The following RAPGEF4 variants were observed in gnomAD, a reference collection of about 807,000 sequenced individuals.
RAPGEF4 encodes Rap guanine nucleotide exchange factor 4.
Under a neutral mutation model 147.9 loss-of-function variants are expected in RAPGEF4, and 66 were observed. The observed-to-expected ratio is 0.45, with a 90% CI of 0.37 to 0.55. The LOEUF is 0.55. Among genes scored for constraint, RAPGEF4 ranks in the 20% least tolerant of loss-of-function variants. The pLI, the probability that RAPGEF4 is intolerant of heterozygous loss-of-function variation, is 0.00. For synonymous variants in RAPGEF4, 419 were observed against 442.7 expected (o/e 0.95, Z 0.67); for missense variants, 1,071 against 1,257.3 (o/e 0.85, Z 2.24).
At chr2:173,001,461 C>A in intron 17 of RAPGEF4, 117 bp downstream of exon 17, 1 of 1,252,612 alleles carries the variant, frequency 8.0e-7, no homozygotes, top group Non-Finnish European at 1.1e-6. Flanking sequence ...GTTGTGCATT[C>A]CACCCTCATC....
At chr2:172,882,404 T>G (rs942593557) in intron 4 of RAPGEF4, among the ~76,000 whole-genome samples, 1 of 152,202 alleles carries the variant, frequency 6.6e-6, no homozygotes, top group Non-Finnish European at 1.5e-5. Context: ...ACTCAGGGCC[T>G]GTTTAACTCT....
chr2:172,848,328 T>C (rs1431522653), intron 4 of RAPGEF4, among the ~76,000 whole-genome samples: 1 of 152,208 alleles, frequency 6.6e-6, no homozygotes, highest in Non-Finnish European at 1.5e-5. Context: ...TGCCTGTTAA[T>C]TCACACTAGA....
At chr2:172,958,737 A>T (rs2105444224) in intron 6 of RAPGEF4, among the ~76,000 whole-genome samples, 1 of 152,356 alleles carries the variant, frequency 6.6e-6, no homozygotes, top group East Asian at 1.9e-4. Context: ...AGTCTGCTAG[A>T]TGCCAGCGAG....
At chr2:172,988,955 C>T (rs1692551142) in intron 14 of RAPGEF4, 116 bp downstream of exon 14, 4 of 1,128,754 alleles carry the variant, frequency 3.5e-6, no homozygotes, top group African/African-American at 1.6e-5. Flanking sequence ...GTGCTCTAGG[C>T]ACAAAGGGCC....
At position 172,806,550 on chromosome 2, in the gene RAPGEF4, C is replaced by T. The variant is rs138476350; in HGVS notation, c.298-7729C>T. ...GAGGGTCTGTGCTTTTTGAAATTAC[C>T]ATTTCAAGAAAAGTTGGTTGCAATG... On this transcript the variant is annotated intron_variant, in intron 3 of 30. Transcript: ENST00000397081. Among the ~76,000 whole-genome samples the T allele has an allele frequency of 6.6e-5, 10 of 152,284 alleles. No individual in the cohort carries two copies. The East Asian group carries it at 1.9e-3, about 29-fold the overall frequency.
intron 4 of RAPGEF4, among the ~76,000 whole-genome samples, chr2:172,905,528 G>T (rs1383144835): frequency 6.6e-6 from 1 of 152,234 alleles, no homozygotes; most frequent in Non-Finnish European, 1.5e-5. Flanking sequence ...TCAGAATCTT[G>T]AACTGTCACA....
intron 8 of RAPGEF4, among the ~76,000 whole-genome samples, chr2:172,964,882 C>G (rs749400917): frequency 6.6e-6 from 1 of 152,162 alleles, no homozygotes; most frequent in Non-Finnish European, 1.5e-5. Context: ...TCCAGACCAA[C>G]TCACCACAGA....
chr2:172,833,372 C>T (rs1000721379), intron 4 of RAPGEF4, among the ~76,000 whole-genome samples: 2 of 149,478 alleles, frequency 1.3e-5, no homozygotes, highest in Non-Finnish European at 3.0e-5. Flanking sequence ...GGATGTTATA[C>T]AAAACTTAAA....
rs3769305 is a variant in RAPGEF4, at chr2:172,820,260, T to C, written c.444+5835T>C. 3.9e-5 allele frequency among the ~76,000 whole-genome samples: 6 copies of C among 152,362 alleles called. No individual in the cohort carries two copies. In the East Asian group the frequency reaches 9.6e-4, roughly 24 times the overall value. ...TGCTTCTGAGAGGCCCTTGAACTAG[T>C]GGTTACCACCTCTTTACCTGTAGTT... On this transcript the variant is annotated intron_variant, in intron 4 of 30. Coordinates refer to ENST00000397081, the MANE Select transcript of RAPGEF4 (RefSeq NM_007023.4).
intron 4 of RAPGEF4, among the ~76,000 whole-genome samples, chr2:172,829,456 G>A (rs1185685688): frequency 6.6e-6 from 1 of 152,210 alleles, no homozygotes; most frequent in Non-Finnish European, 1.5e-5. Flanking sequence ...TGAACTGGCT[G>A]AGGGCCAGAT....
At chr2:172,961,070 CT>C in intron 7 of RAPGEF4, 51 bp from the exon 8 acceptor site, 1 of 1,344,040 alleles carries the variant, frequency 7.4e-7, no homozygotes, top group Middle Eastern at 1.8e-4. Flanking sequence ...GTTTGTTTTC[CT>C]TCTATAAACA....
intron 4 of RAPGEF4, among the ~76,000 whole-genome samples, chr2:172,825,183 T>TTAC (rs1271013854): frequency 6.6e-6 from 1 of 152,234 alleles, no homozygotes; most frequent in African/African-American, 2.4e-5. Context: ...ACACCATAGC[T>TTAC]TAGCCTATCC....
In RAPGEF4 at chr2:172,952,435, C is replaced by G. The variant is rs1222377119; in HGVS notation, c.538-8325C>G. 3.3e-5 allele frequency among the ~76,000 whole-genome samples: 5 copies of G among 152,204 alleles called. No individual in the cohort carries two copies. In the East Asian group the frequency reaches 9.6e-4, roughly 29 times the overall value. ...GAGGAGGGAACAGTGGTTGAAGACT[C>G]TTTTTCAGAGTTTATGTTTCCATAG... On this transcript the variant is annotated intron_variant, in intron 6 of 30. Coordinates refer to ENST00000397081, the MANE Select transcript of RAPGEF4 (RefSeq NM_007023.4).
At chr2:172,937,508 C>G (rs1235574973) in intron 6 of RAPGEF4, among the ~76,000 whole-genome samples, 2 of 152,140 alleles carry the variant, frequency 1.3e-5, no homozygotes, top group Non-Finnish European at 2.9e-5. Flanking sequence ...GTATTTTCAT[C>G]ACATCATATC....
At chr2:172,984,613 C>T (rs908433969) in intron 11 of RAPGEF4, among the ~76,000 whole-genome samples, 5 of 152,224 alleles carry the variant, frequency 3.3e-5, no homozygotes, top group Non-Finnish European at 2.9e-5. Flanking sequence ...CATCCTTACT[C>T]TCCACAGGGC....
chr2:172,863,266 A>C (rs1694233729), intron 4 of RAPGEF4, among the ~76,000 whole-genome samples: 1 of 152,182 alleles, frequency 6.6e-6, no homozygotes, highest in Non-Finnish European at 1.5e-5. Flanking sequence ...AGAGAAGAGG[A>C]AATTGGAGTG....
At chr2:172,735,392 G>A (rs1027818311), upstream of RAPGEF4, 5 of 152,326 alleles carry the variant, frequency 3.3e-5, no homozygotes, top group African/African-American at 9.6e-5. Flanking sequence ...TTTTCTGAAG[G>A]GGAGACAGCA....
At chr2:172,986,473 A>G (rs1005492184) in intron 12 of RAPGEF4, among the ~76,000 whole-genome samples, 3 of 152,208 alleles carry the variant, frequency 2.0e-5, no homozygotes, top group African/African-American at 7.2e-5. Context: ...CTATTTTAGT[A>G]AGAATGTAAC....
At chr2:172,756,014 G>A (rs1398754041) in intron 1 of RAPGEF4, among the ~76,000 whole-genome samples, 2 of 152,168 alleles carry the variant, frequency 1.3e-5, no homozygotes, top group East Asian at 3.8e-4. Flanking sequence ...GCACTTTGTA[G>A]CCATGCCTAC....
Sources: gnomAD v4.1 joint callset for allele counts (sites outside exome capture counted in the v4.1 genomes callset) on GRCh38, gnomAD v4.1.1 for gene constraint, MANE v1.5 for transcripts, NCBI Gene and HGNC (gene_info 2026-07-23, HGNC 2026-07-21) for gene names.